NIBAN3: variants seen among roughly 807,000 people sequenced by gnomAD.
The protein encoded by NIBAN3 is niban apoptosis regulator 3, also known as protein Niban 3.
Under a neutral mutation model 76.4 loss-of-function variants are expected in NIBAN3, and 66 were observed. The observed-to-expected ratio is 0.86, with a 90% confidence interval of 0.71 to 1.06. The LOEUF (loss-of-function observed/expected upper bound fraction) is 1.06. Among genes scored for constraint, NIBAN3 ranks in the 50% least tolerant of loss-of-function variants. The pLI, the probability that NIBAN3 is intolerant of heterozygous loss-of-function variation, is 0.00. For missense variants in NIBAN3, 808 were observed against 810.7 expected (o/e 1.00, Z 0.04); for synonymous variants, 360 against 355.2 (o/e 1.01, Z -0.15).
chr19:17,528,654 G>C (rs144780670), intron 1 of NIBAN3, among the ~76,000 whole-genome samples: 100 of 152,248 alleles, frequency 6.6e-4, no homozygotes, highest in African/African-American at 2.4e-3. Flanking sequence ...GTGAGCAACT[G>C]TGCTGGGCGC....
At chr19:17,537,290 A>G in intron 4 of NIBAN3, 86 bp from the exon 5 acceptor site, 1 of 1,331,220 alleles carries the variant, frequency 7.5e-7, no homozygotes, top group Non-Finnish European at 1.1e-6. Flanking sequence ...GCAACTGCCC[A>G]TGCCAGGGAC....
chr19:17,553,709 C>T, downstream of NIBAN3: 1 of 736,632 alleles, frequency 1.4e-6, no homozygotes, highest in South Asian at 1.7e-5. Flanking sequence ...ACAATTGCAG[C>T]TACAAGAATT....
Position 17,539,409 on chromosome 19 carries a change from C to A in NIBAN3, c.774C>A (p.Gly258=), listed in dbSNP as rs1433263781. 4 of 1,528,384 alleles carry A rather than the reference C, an allele frequency of 2.6e-6. No individual in the cohort carries two copies. Among genetic ancestry groups the A allele is most frequent in the Admixed American group, 2.1e-5 (1 of 48,406 alleles). The allele number at this position is 1,528,384 out of a possible 1,614,324, so 94.7% of individuals were successfully genotyped here. The change falls in exon 7 of 15, where the codon GGC becomes GGA. Residue 258 remains glycine, a synonymous_variant. Coordinates refer to ENST00000599164, the MANE Select transcript of NIBAN3 (RefSeq NM_001321827.2). The part of the protein sequence containing the change: ...LPALRAQTLP[G]LRGAGRARAW... ...CGCTGCGAGCCCAGACCCTTCCTGG[C>A]CTGCGGGGGGCAGGCCGCGCCCGCG... is the stretch of plus-strand genomic sequence containing the variant.
intron 14 of NIBAN3, among the ~76,000 whole-genome samples, chr19:17,550,262 G>A (rs1276860775): frequency 6.6e-6 from 1 of 152,102 alleles, no homozygotes; most frequent in Non-Finnish European, 1.5e-5. Flanking sequence ...ATAATTTGGG[G>A]GATAATTTTT....
upstream of NIBAN3, among the ~76,000 whole-genome samples, chr19:17,524,115 T>C (rs2075582816): frequency 6.6e-6 from 1 of 152,002 alleles, no homozygotes; most frequent in South Asian, 2.1e-4. Context: ...GGTCTCGAAC[T>C]CCTGACCTCA....
chr19:17,539,545 C>G, intron 7 of NIBAN3, 58 bp from the exon 8 acceptor site: 1 of 1,477,852 alleles, frequency 6.8e-7, no homozygotes, highest in Admixed American at 2.4e-5. Flanking sequence ...CCCGATCTCT[C>G]TGACCCCCAT....
Position 17,537,436 on chromosome 19 carries a change from T to C in NIBAN3, c.488T>C (p.Phe163Ser), listed in dbSNP as rs748098172. 16 of 1,613,986 alleles carry C rather than the reference T, an allele frequency of 9.9e-6. No homozygotes were observed. The highest frequency in any genetic ancestry group is 1.3e-5 in the Non-Finnish European group (15 of 1,180,026). Residue 163 changes from phenylalanine (F) to serine (S), a missense_variant, in exon 5 of 15, where the codon TTC becomes TCC. Physicochemically the swap from Phe to Ser is radical, Grantham distance 155. Coordinates refer to ENST00000599164, the MANE Select transcript of NIBAN3 (RefSeq NM_001321827.2). ...LLEVPVSFPL[F>S]LQHPFRRHLC... ...GAAGTGCCTGTGAGCTTCCCGCTGTTCCTGCAGCACCCCTTCCGCCGGCAC... is the reference window on the plus strand; with the variant it reads ...GAAGTGCCTGTGAGCTTCCCGCTGTCCCTGCAGCACCCCTTCCGCCGGCAC...
intron 13 of NIBAN3, among the ~76,000 whole-genome samples, chr19:17,549,160 C>T (rs1366854524): frequency 6.6e-6 from 1 of 152,096 alleles, no homozygotes; most frequent in Non-Finnish European, 1.5e-5. Flanking sequence ...GTTTCTCTTC[C>T]TAAAGATTTT....
Position 17,551,906 on chromosome 19 carries a change from C to A in NIBAN3, c.*8C>A. ...GGAACATTCCGGAGCTGAATCTTCA[C>A]CCACATCTATCTTGTTTCTATTGGA... On this transcript the variant is annotated 3_prime_UTR_variant, in exon 15 of 15. Coordinates refer to ENST00000599164, the MANE Select transcript of NIBAN3 (RefSeq NM_001321827.2). 1.3e-6 allele frequency: 1 copy of A among 776,274 alleles called. No individual in the cohort carries two copies. Among genetic ancestry groups the A allele is most frequent in the Non-Finnish European group, 2.4e-6 (1 of 414,432 alleles). The allele number at this position is 776,274 out of a possible 1,614,324, so 48.1% of individuals were successfully genotyped here.
At chr19:17,531,420 G>A (rs1251471883) in intron 2 of NIBAN3, among the ~76,000 whole-genome samples, 1 of 151,944 alleles carries the variant, frequency 6.6e-6, no homozygotes, top group African/African-American at 2.4e-5. Context: ...GGCTGGGCAT[G>A]AGGACACACA....
downstream of NIBAN3, chr19:17,553,674 A>G (rs1457854464): frequency 2.2e-6 from 2 of 908,108 alleles, no homozygotes; most frequent in Non-Finnish European, 3.5e-6. Flanking sequence ...TTTACCCCGG[A>G]CGGGATGTAG....
chr19:17,554,797 A>AAAGAATAATAAT (rs2076199654), downstream of NIBAN3, among the ~76,000 whole-genome samples: 1 of 138,136 alleles, frequency 7.2e-6, no homozygotes, highest in African/African-American at 2.7e-5. Context: ...AAAAAAAAGA[A>AAAGAATAATAAT]AATAATAATA....
intron 4 of NIBAN3, 84 bp downstream of exon 4, chr19:17,533,785 G>A (rs986929887): frequency 2.0e-5 from 21 of 1,026,406 alleles, no homozygotes; most frequent in Non-Finnish European, 3.0e-5. Flanking sequence ...CTGCGGTGGG[G>A]GCGTCCCGTG....
intron 4 of NIBAN3, among the ~76,000 whole-genome samples, chr19:17,536,391 G>A (rs1389156942): frequency 1.3e-5 from 2 of 152,106 alleles, no homozygotes; most frequent in Admixed American, 6.6e-5. Flanking sequence ...GTTTCACCAC[G>A]TTGGCCAGGC....
chr19:17,523,663 C>A (rs563580537), upstream of NIBAN3, among the ~76,000 whole-genome samples: 3 of 152,322 alleles, frequency 2.0e-5, no homozygotes, highest in South Asian at 6.2e-4. Flanking sequence ...CTTCCTGCTC[C>A]TTTTGCCTTC....
At chr19:17,537,355 C>T (rs372463173) in intron 4 of NIBAN3, 21 bp from the exon 5 acceptor site, 22 of 1,608,572 alleles carry the variant, frequency 1.4e-5, no homozygotes, top group African/African-American at 8.0e-5. Context: ...CTAGAAGATG[C>T]GACCTCCTGT....
At chr19:17,531,594 C>T (rs1177848428) in intron 2 of NIBAN3, among the ~76,000 whole-genome samples, 2 of 152,118 alleles carry the variant, frequency 1.3e-5, no homozygotes, top group Non-Finnish European at 2.9e-5. Context: ...AGTTCAGTGG[C>T]GCAATCTTAG....
intron 2 of NIBAN3, among the ~76,000 whole-genome samples, chr19:17,531,759 C>T (rs1296614911): frequency 1.3e-5 from 2 of 152,166 alleles, no homozygotes; most frequent in Admixed American, 1.3e-4. Flanking sequence ...ATCTCGAACT[C>T]CTGACCTCAA....
chr19:17,529,805 T>C (rs1035818474), intron 1 of NIBAN3, among the ~76,000 whole-genome samples: 2 of 152,150 alleles, frequency 1.3e-5, no homozygotes, highest in African/African-American at 4.8e-5. Flanking sequence ...TCAATCTGTA[T>C]TCCCAGCGCT....
Sources: gnomAD v4.1 joint callset for allele counts (sites outside exome capture counted in the v4.1 genomes callset) on GRCh38, gnomAD v4.1.1 for gene constraint, MANE v1.5 for transcripts, NCBI Gene and HGNC (gene_info 2026-07-23, HGNC 2026-07-21) for gene names.